The following UTRN variants were observed in gnomAD, a reference collection of about 807,000 sequenced individuals.
The protein encoded by UTRN is utrophin, also known as dystrophin-related protein 1.
In UTRN, 283 loss-of-function variants were observed where a neutral mutation model predicts 463.9. That is an observed-to-expected ratio of 0.61 (90% CI 0.55 to 0.67). The LOEUF is 0.67. Among genes scored for constraint, UTRN ranks in the 30% least tolerant of loss-of-function variants. The probability of loss-of-function intolerance (pLI) is 0.00; values close to 1 mark genes in which losing one functional copy is unlikely to be tolerated. For missense variants in UTRN, 3,922 were observed against 4,084.3 expected (o/e 0.96, Z 1.08); for synonymous variants, 1,442 against 1,431.5 (o/e 1.01, Z -0.17).
At chr6:144,447,077 T>C (rs1787767758) in intron 14 of UTRN, 134 bp from the exon 15 acceptor site, 1 of 682,644 alleles carries the variant, frequency 1.5e-6, no homozygotes, top group African/African-American at 1.8e-5. Context: ...CAGACTTAGG[T>C]GTTTGAAGGC....
chr6:144,797,614 T>G, intron 63 of UTRN: 1 of 457,568 alleles, frequency 2.2e-6, no homozygotes, highest in Non-Finnish European at 3.7e-6. Context: ...TTTTGCTTCT[T>G]CCTATGTGAC....
chr6:144,523,175 A>C lies in UTRN; in HGVS notation c.5893A>C (p.Ser1965Arg). Residue 1965 changes from serine (S) to arginine (R), a missense_variant, in exon 41 of 75, where the codon AGT becomes CGT. By Grantham distance (110) the Ser-to-Arg change is moderately radical. Transcript: ENST00000367545. Reference sequence around the variant, plus strand: ...ATGGGACAGAATTAATAGAATGTACAGTGATCGGAAAGGGTATGTGTAAAT... The same window carrying C: ...ATGGGACAGAATTAATAGAATGTACCGTGATCGGAAAGGGTATGTGTAAAT... ...AKWDRINRMY[S>R]DRKGCFDRAM... is the part of the protein sequence containing the mutation. 6.3e-7 allele frequency: 1 copy of C among 1,599,208 alleles called. No individual in the cohort carries two copies. The highest frequency in any genetic ancestry group is 1.1e-5 in the South Asian group (1 of 87,276).
intron 50 of UTRN, among the ~76,000 whole-genome samples, chr6:144,570,391 A>T (rs1194887563): frequency 1.3e-5 from 2 of 152,104 alleles, no homozygotes; most frequent in African/African-American, 4.8e-5. Context: ...CCTCCTGGGG[A>T]GGTGAGCCAG....
chr6:144,540,893 A>T (rs1471901110), intron 45 of UTRN, among the ~76,000 whole-genome samples: 1 of 152,236 alleles, frequency 6.6e-6, no homozygotes, highest in African/African-American at 2.4e-5. Context: ...ACAGTTGTAG[A>T]TGTCAGAGGG....
At chr6:144,562,895 T>G (rs1202011729) in intron 50 of UTRN, among the ~76,000 whole-genome samples, 1 of 152,222 alleles carries the variant, frequency 6.6e-6, no homozygotes, top group East Asian at 1.9e-4. Flanking sequence ...TAATTGCCAT[T>G]CTGACTAGCA....
At chr6:144,589,972 C>T (rs532047349) in intron 51 of UTRN, among the ~76,000 whole-genome samples, 1 of 152,096 alleles carries the variant, frequency 6.6e-6, no homozygotes, top group Non-Finnish European at 1.5e-5. Context: ...CCGCCTCAGC[C>T]TCTCGAGTAG....
intron 34 of UTRN, among the ~76,000 whole-genome samples, chr6:144,500,832 A>G (rs936518475): frequency 1.3e-5 from 2 of 152,242 alleles, no homozygotes; most frequent in African/African-American, 4.8e-5. Context: ...TGAATGGAAC[A>G]TGAGTGGTTC....
intron 51 of UTRN, among the ~76,000 whole-genome samples, chr6:144,637,167 GC>G (rs1199314946): frequency 6.6e-6 from 1 of 152,026 alleles, no homozygotes; most frequent in Non-Finnish European, 1.5e-5. Flanking sequence ...ACAGGGTCTT[GC>G]CATGTGGCCC....
intron 15 of UTRN, 84 bp from the exon 16 acceptor site, chr6:144,447,518 A>G: frequency 6.8e-7 from 1 of 1,479,884 alleles, no homozygotes; most frequent in Non-Finnish European, 9.3e-7. Flanking sequence ...ACTATAAAAG[A>G]TACATGTTTA....
At position 144,728,100 on chromosome 6, in the gene UTRN, C is replaced by CA. The variant is rs5880604; in HGVS notation, c.7810-2239dup. 2.0e-3 allele frequency among the ~76,000 whole-genome samples: 208 copies of CA among 103,898 alleles called. 1 individual carries two copies. Among genetic ancestry groups the CA allele is most frequent in the East Asian group, 4.4e-3 (19 of 4,298 alleles). The allele number at this position is 103,898 out of a possible 152,430, so 68.2% of individuals were successfully genotyped here. A position where few individuals can be genotyped will look rare whatever the true frequency, so the allele number is the denominator to read the frequency against. ...TGGGTGACAGAGTAAGACTCCATCT[C>CA]AAAAAAAAAAAAAAAAAAGGAATGT... On this transcript the variant is annotated intron_variant, in intron 53 of 74. Transcript: ENST00000367545.
At chr6:144,819,559 G>T (rs1779376710) in intron 65 of UTRN, among the ~76,000 whole-genome samples, 1 of 151,984 alleles carries the variant, frequency 6.6e-6, no homozygotes, top group Non-Finnish European at 1.5e-5. Context: ...TGGGTGTGGT[G>T]GTGCGCACCT....
chr6:144,414,019 T>C (rs1584684446), intron 3 of UTRN, among the ~76,000 whole-genome samples: 1 of 152,006 alleles, frequency 6.6e-6, no homozygotes, highest in Non-Finnish European at 1.5e-5. Context: ...GGCAGGCTGG[T>C]CTCGAACTCC....
intron 51 of UTRN, among the ~76,000 whole-genome samples, chr6:144,660,909 C>T (rs965344692): frequency 6.6e-6 from 1 of 152,220 alleles, no homozygotes; most frequent in African/African-American, 2.4e-5. Flanking sequence ...GCTCCTGGCA[C>T]AATCTAGATG....
At chr6:144,532,073 G>A (rs1322403093) in intron 42 of UTRN, among the ~76,000 whole-genome samples, 2 of 152,228 alleles carry the variant, frequency 1.3e-5, no homozygotes, top group East Asian at 3.9e-4. Flanking sequence ...GGAGGCAGAG[G>A]TTGCAGTGAG....
At chr6:144,672,688 T>C (rs1441356436) in intron 51 of UTRN, among the ~76,000 whole-genome samples, 1 of 152,092 alleles carries the variant, frequency 6.6e-6, no homozygotes, top group African/African-American at 2.4e-5. Flanking sequence ...CTCTGATCTT[T>C]GTTATTTCTT....
At chr6:144,844,365 C>T (rs1231252948) in intron 73 of UTRN, among the ~76,000 whole-genome samples, 1 of 151,788 alleles carries the variant, frequency 6.6e-6, no homozygotes, top group Non-Finnish European at 1.5e-5. Context: ...ACCTCCCAGG[C>T]TCAAGCAATT....
rs199775970 is a variant in UTRN, at chr6:144,326,328, C to A, written c.79+34421C>A. Among the ~76,000 whole-genome samples, 14 of 151,222 alleles carry A rather than the reference C, an allele frequency of 9.3e-5. No homozygotes were observed. The East Asian group carries it at 2.7e-3, about 29-fold the overall frequency. ...TTAGTTTTTTTTTTTTAGTAGCCCT[C>A]TTTTCTCAGCACCAAATTCTTGCTG... On this transcript the variant is annotated intron_variant, in intron 2 of 74. Coordinates refer to ENST00000367545, the MANE Select transcript of UTRN (RefSeq NM_007124.3).
At chr6:144,710,968 A>C (rs1475963615) in intron 53 of UTRN, among the ~76,000 whole-genome samples, 4 of 152,152 alleles carry the variant, frequency 2.6e-5, no homozygotes, top group African/African-American at 9.7e-5. Flanking sequence ...AATTCCCTCA[A>C]ATGTTAACAT....
chr6:144,352,556 T>C (rs1778202297), intron 2 of UTRN, among the ~76,000 whole-genome samples: 1 of 152,206 alleles, frequency 6.6e-6, no homozygotes, highest in African/African-American at 2.4e-5. Context: ...TATGCATTTC[T>C]CCTGCTGTTG....
Sources: gnomAD v4.1 joint callset for allele counts (sites outside exome capture counted in the v4.1 genomes callset) on GRCh38, gnomAD v4.1.1 for gene constraint, MANE v1.5 for transcripts, NCBI Gene and HGNC (gene_info 2026-07-23, HGNC 2026-07-21) for gene names.